Variants in ADGRE5 observed in about 807,000 individuals in gnomAD.
ADGRE5 encodes the protein CD97 molecule.
A neutral mutation model predicts 100.3 loss-of-function variants in ADGRE5; 72 were observed. The ratio of observed to expected loss-of-function variants is 0.72; its 90% CI spans 0.59 to 0.87. The LOEUF is 0.87. Ranked by LOEUF, ADGRE5 falls within the 40% of genes least tolerant of loss-of-function variation. The pLI is 0.00. For missense variants in ADGRE5, 959 were observed against 1,094.7 expected (o/e 0.88, Z 1.75); for synonymous variants, 439 against 447.8 (o/e 0.98, Z 0.25).
intron 9 of ADGRE5, 184 bp downstream of exon 9, chr19:14,398,323 C>T (rs962001293): frequency 2.1e-5 from 13 of 612,118 alleles, no homozygotes; most frequent in East Asian, 1.7e-4. Context: ...TGAAGACACA[C>T]GCATGCACAC....
rs1031506181 is a variant in ADGRE5, at chr19:14,401,499, C to G, written c.1011C>G (p.Ile337Met). The G allele has an allele frequency of 1.2e-6, 2 of 1,614,136 alleles. No homozygotes were observed. Among genetic ancestry groups the G allele is most frequent in the Non-Finnish European group, 1.7e-6 (2 of 1,180,010 alleles). Residue 337 changes from isoleucine to methionine, a missense_variant, in exon 10 of 20, where the codon ATC (isoleucine) becomes ATG (methionine). Physicochemically the swap from Ile to Met is conservative, Grantham distance 10. This residue lies in a region of ADGRE5 where 246 missense variants were observed against 242.2 expected (regional missense o/e 1.02). Transcript: ENST00000242786. This position sits in a 1 kb window ranked among gnomAD's most constrained non-coding sequence, Gnocchi z 4.1. ...ATQLLSNLED[I>M]MRILAKSLPK... ...AGCTGCTCTCAAACCTTGAAGATAT[C>G]ATGAGGATCCTGGCCAAGAGCCTGC...
chr19:14,407,782 G>T (rs561715958), intron 18 of ADGRE5, 126 bp from the exon 19 acceptor site: 7 of 745,562 alleles, frequency 9.4e-6, no homozygotes, highest in East Asian at 2.7e-5. Context: ...GTGACAGGGG[G>T]ACCCGATCTC....
chr19:14,398,181 C>G (rs772179354), intron 9 of ADGRE5, 42 bp downstream of exon 9: 53 of 1,597,598 alleles, frequency 3.3e-5, no homozygotes, highest in Non-Finnish European at 4.3e-5. Context: ...AGTGTAGAAT[C>G]AGCTAGCGGA....
At chr19:14,387,164 A>G (rs1975387580) in intron 1 of ADGRE5, among the ~76,000 whole-genome samples, 2 of 152,272 alleles carry the variant, frequency 1.3e-5, no homozygotes, top group South Asian at 4.1e-4. Context: ...TACAGAGGGA[A>G]ACTGAGGCAG....
intron 1 of ADGRE5, among the ~76,000 whole-genome samples, chr19:14,388,142 C>G (rs1975425694): frequency 6.6e-6 from 1 of 151,682 alleles, no homozygotes; most frequent in African/African-American, 2.4e-5. Flanking sequence ...GCAGGAGGAT[C>G]TCTTGAGCCT....
Position 14,397,719 on chromosome 19 carries a change from C to G in ADGRE5, c.687C>G (p.Thr229=). The G allele has an allele frequency of 1.4e-6, 2 of 1,481,158 alleles. No individual in the cohort carries two copies. The highest frequency in any genetic ancestry group is 1.9e-6 in the Non-Finnish European group (2 of 1,072,694). 91.8% of individuals were successfully genotyped at this position (1,481,158 alleles called of 1,614,324 possible). The change falls in exon 7 of 20, where the codon ACC becomes ACG. Residue 229 remains threonine, a synonymous_variant. Coordinates refer to ENST00000242786, the MANE Select transcript of ADGRE5 (RefSeq NM_078481.4). ...ACAGCTCCACCGTCTGCTTCAACAC[C>G]GTGGGTTCATACAGCTGCCGCTGCC... ...QCDSSTVCFN[T]VGSYSCRCRP... is the part of the protein sequence containing the mutation.
chr19:14,389,319 ATG>A (rs1400379103), intron 3 of ADGRE5, among the ~76,000 whole-genome samples: 1 of 1,242 alleles, frequency 8.1e-4, no homozygotes, highest in Admixed American at 9.4e-3. Context: ...GGGGAGGGGG[ATG>A]GGGGAGGGAG....
chr19:14,388,586 G>A (rs1397031257), intron 2 of ADGRE5, 86 bp downstream of exon 2: 16 of 1,602,618 alleles, frequency 1.0e-5, no homozygotes, highest in Non-Finnish European at 1.4e-5. Context: ...CTTCAGCCCA[G>A]GGAAAGAGAG....
At chr19:14,400,866 T>G (rs1417781184) in intron 9 of ADGRE5, among the ~76,000 whole-genome samples, 1 of 152,126 alleles carries the variant, frequency 6.6e-6, no homozygotes, top group Non-Finnish European at 1.5e-5. Flanking sequence ...TAACATGGAA[T>G]GATTTTTTGC....
Position 14,408,150 on chromosome 19 carries a change from C to G in ADGRE5, c.*29C>G. The stretch of plus-strand genomic sequence containing the variant: ...CGCATGGTTCTGGACGGCCCAGCAG[C>G]TCCTGTGGCCACAGCAGCTTTGTAC... On this transcript the variant is annotated 3_prime_UTR_variant, in exon 20 of 20. Coordinates refer to ENST00000242786, the MANE Select transcript of ADGRE5 (RefSeq NM_078481.4). 6.2e-7 allele frequency: 1 copy of G among 1,611,070 alleles called. No individual in the cohort carries two copies. Among genetic ancestry groups the G allele is most frequent in the Non-Finnish European group, 8.5e-7 (1 of 1,179,064 alleles).
chr19:14,401,227 C>T lies in ADGRE5; in HGVS notation c.898-159C>T, dbSNP rs1975995774. Among the ~76,000 whole-genome samples the T allele has an allele frequency of 6.6e-6, 1 of 152,226 alleles. No individual in the cohort carries two copies. The highest frequency in any genetic ancestry group is 2.1e-4 in the South Asian group (1 of 4,824). ...ATTCATACGTGCATGCAGGCAAATACTCAATCCGTCGCTTGTTTTCTGGTT... is the reference window on the plus strand; with the variant it reads ...ATTCATACGTGCATGCAGGCAAATATTCAATCCGTCGCTTGTTTTCTGGTT... On this transcript the variant is annotated intron_variant, in intron 9 of 19. Coordinates refer to ENST00000242786, the MANE Select transcript of ADGRE5 (RefSeq NM_078481.4). This position sits in a 1 kb window ranked among gnomAD's most constrained non-coding sequence, Gnocchi z 4.1.
chr19:14,402,648 C>T lies in ADGRE5; in HGVS notation c.1235C>T (p.Ala412Val). The T allele has an allele frequency of 6.2e-7, 1 of 1,614,058 alleles. No homozygotes were observed. The highest frequency in any genetic ancestry group is 8.5e-7 in the Non-Finnish European group (1 of 1,179,964). The stretch of plus-strand genomic sequence containing the variant: ...ATCCAGAACATGACGACATTGCTGG[C>T]CAATGCCTCCTTGAACCTGCATTCC... ...LSIQNMTTLL[A>V]NASLNLHSKK... The change falls in exon 12 of 20, where the codon GCC becomes GTC. Residue 412 changes from alanine (A) to valine (V), a missense_variant. Transcript: ENST00000242786.
At chr19:14,392,796 A>G (rs1159304884) in intron 4 of ADGRE5, among the ~76,000 whole-genome samples, 1 of 151,936 alleles carries the variant, frequency 6.6e-6, no homozygotes, top group African/African-American at 2.4e-5. Context: ...CCAGCTACTC[A>G]AGAGGCTAAA....
intron 1 of ADGRE5, among the ~76,000 whole-genome samples, chr19:14,386,161 C>T (rs974637647): frequency 1.3e-5 from 2 of 151,398 alleles, no homozygotes; most frequent in Non-Finnish European, 2.9e-5. Flanking sequence ...AGGTGGATCA[C>T]GAGGTCAGGA....
At chr19:14,396,622 T>C (rs1159576712) in intron 5 of ADGRE5, 149 bp downstream of exon 5, 15 of 1,329,642 alleles carry the variant, frequency 1.1e-5, no homozygotes, top group Non-Finnish European at 1.2e-5. Flanking sequence ...AGGATTCACC[T>C]CCCAGGAAGG....
intron 12 of ADGRE5, among the ~76,000 whole-genome samples, chr19:14,403,462 C>G (rs1976095660): frequency 6.6e-6 from 1 of 152,118 alleles, no homozygotes; most frequent in African/African-American, 2.4e-5. Flanking sequence ...AACCATTCCT[C>G]CAGCCTCAGA....
At chr19:14,387,336 C>CCGAG (rs1410552269) in intron 1 of ADGRE5, among the ~76,000 whole-genome samples, 4 of 152,106 alleles carry the variant, frequency 2.6e-5, no homozygotes, top group African/African-American at 9.7e-5. Flanking sequence ...CACCCTCAAG[C>CCGAG]CGAGCTCGGG....
rs764946044 is a variant in ADGRE5 at position 14,406,815 on chromosome 19, G to T, written c.2115+49G>T. 4.3e-6 allele frequency: 7 copies of T among 1,610,786 alleles called. No homozygotes were observed. Among genetic ancestry groups the T allele is most frequent in the Non-Finnish European group, 5.9e-6 (7 of 1,176,940 alleles). ...CGAAGCCCGAGCGCCACAGGCCCAGGCCCGGCTGGACCATCGCTCTCGCCC... is the reference window on the plus strand; with the variant it reads ...CGAAGCCCGAGCGCCACAGGCCCAGTCCCGGCTGGACCATCGCTCTCGCCC... On this transcript the variant is annotated intron_variant, in intron 16 of 19. Transcript: ENST00000242786. The surrounding 1 kb of genome is among the most constrained non-coding windows in gnomAD (Gnocchi z 6.0).
At chr19:14,395,311 A>T (rs893153315) in intron 4 of ADGRE5, among the ~76,000 whole-genome samples, 1 of 151,738 alleles carries the variant, frequency 6.6e-6, no homozygotes, top group Non-Finnish European at 1.5e-5. Flanking sequence ...CAAAAAAAAA[A>T]AAAAAAAACA....
Sources: allele counts gnomAD v4.1 joint callset (sites outside exome capture counted in the v4.1 genomes callset), GRCh38; gene constraint gnomAD v4.1.1; regional missense constraint gnomAD v4.1.1; non-coding constraint Gnocchi (gnomAD v3.1); transcripts MANE v1.5; gene names NCBI Gene and HGNC (gene_info 2026-07-23, HGNC 2026-07-21).